ZAN: variants seen among roughly 807,000 people sequenced by gnomAD.
The protein encoded by ZAN is zonadhesin, also known as zonadhesin (gene/pseudogene).
A neutral mutation model predicts 286.2 loss-of-function variants in ZAN; 260 were observed. The observed-to-expected ratio is 0.91, with a 90% CI of 0.82 to 1.01. The LOEUF is 1.01. Ranked by LOEUF, ZAN falls within the 50% of genes least tolerant of loss-of-function variation. The pLI is 0.00. For missense variants in ZAN, 3,410 were observed against 3,639.2 expected, an observed-to-expected ratio of 0.94 and a Z score of 1.62; for synonymous variants, 1,368 against 1,417.5, an observed-to-expected ratio of 0.97 and a Z score of 0.79.
chr7:100,791,963 C>T lies in ZAN; in HGVS notation c.7530-3C>T. 6.2e-7 allele frequency: 1 copy of T among 1,609,782 alleles called. No individual in the cohort carries two copies. Among genetic ancestry groups the T allele is most frequent in the East Asian group, 2.2e-5 (1 of 44,820 alleles). On this transcript the variant is annotated splice_region_variant and splice_polypyrimidine_tract_variant and intron_variant, in intron 40 of 47. Coordinates refer to ENST00000613979, the MANE Select transcript of ZAN (RefSeq NM_003386.3). ...CCTGACCCCGTGGCTGTCTCTACTGCAGGGCTATACCAGCGGAGGAGGAGG... is the reference window on the plus strand; with the variant it reads ...CCTGACCCCGTGGCTGTCTCTACTGTAGGGCTATACCAGCGGAGGAGGAGG...
At chr7:100,749,538 G>A (rs1339813801) in intron 11 of ZAN, among the ~76,000 whole-genome samples, 1 of 151,290 alleles carries the variant, frequency 6.6e-6, no homozygotes, top group Non-Finnish European at 1.5e-5. Flanking sequence ...TACTCGGGAG[G>A]CTGAGGCAGG....
chr7:100,750,490 G>GA, intron 11 of ZAN, 135 bp from the exon 12 acceptor site: 2 of 1,140,258 alleles, frequency 1.8e-6, no homozygotes, highest in South Asian at 3.2e-5. Context: ...AAAATGAGCA[G>GA]AAAAAATAAT....
intron 35 of ZAN, among the ~76,000 whole-genome samples, chr7:100,781,315 C>T (rs1020641074): frequency 1.3e-5 from 2 of 152,158 alleles, no homozygotes; most frequent in African/African-American, 4.8e-5. Context: ...ATCTGCCTGC[C>T]TTGGCCTCCC....
intron 19 of ZAN, 119 bp downstream of exon 19, chr7:100,760,655 C>A: frequency 7.0e-7 from 1 of 1,422,188 alleles, no homozygotes; most frequent in Admixed American, 2.1e-5. Context: ...ACTACTTGAT[C>A]CTTTATGCAT....
Position 100,794,233 on chromosome 7 carries a change from G to A in ZAN, c.8100G>A (p.Gly2700=). ...GAGCGGGGGAGGTCTGCACCCTGGGGAACCACACCCAAGGCTGCTTTCCAG... is the reference window on the plus strand; with the variant it reads ...GAGCGGGGGAGGTCTGCACCCTGGGAAACCACACCCAAGGCTGCTTTCCAG... ...SCRAGEVCTL[G]NHTQGCFPES... is the part of the protein sequence containing the mutation. Residue 2700 remains glycine (G), a synonymous_variant, in exon 44 of 48, where the codon GGG becomes GGA. Transcript: ENST00000613979. 6.2e-7 allele frequency: 1 copy of A among 1,610,492 alleles called. No homozygotes were observed. The highest frequency in any genetic ancestry group is 1.3e-5 in the African/African-American group (1 of 74,996).
At chr7:100,775,881 G>C (rs1056215156) in intron 33 of ZAN, 48 bp downstream of exon 33, 1 of 1,598,252 alleles carries the variant, frequency 6.3e-7, no homozygotes, top group Admixed American at 1.7e-5. Flanking sequence ...GCCCCAGGGA[G>C]ATTGGTGGCC....
At chr7:100,788,395 A>G (rs1811717327) in intron 38 of ZAN, among the ~76,000 whole-genome samples, 1 of 152,098 alleles carries the variant, frequency 6.6e-6, no homozygotes, top group Non-Finnish European at 1.5e-5. Context: ...TCTGCAAAAA[A>G]TTTAAAATGA....
intron 39 of ZAN, among the ~76,000 whole-genome samples, chr7:100,790,692 G>A (rs1229253596): frequency 6.6e-6 from 1 of 151,904 alleles, no homozygotes; most frequent in Non-Finnish European, 1.5e-5. Flanking sequence ...AGACCAGTTT[G>A]GCCAACATGG....
rs569222798 is a variant in ZAN at position 100,763,659 on chromosome 7, C to T, written c.3987-147C>T. The stretch of plus-strand genomic sequence containing the variant: ...GGCCTCCCACAGTGCCTGGCCAGGG[C>T]TCAGTGGTCAAACATCCTCTGGGAG... On this transcript the variant is annotated intron_variant, in intron 20 of 47. Coordinates refer to ENST00000613979, the MANE Select transcript of ZAN (RefSeq NM_003386.3). This position sits in a 1 kb window ranked among gnomAD's most constrained non-coding sequence, Gnocchi z 4.6. 1.1e-4 allele frequency: 84 copies of T among 761,204 alleles called. No homozygotes were observed. The East Asian group carries it at 2.2e-3, about 20-fold the overall frequency. The allele number at this position is 761,204 out of a possible 1,614,324, so 47.2% of individuals were successfully genotyped here.
At chr7:100,776,979 G>T (rs1363448061) in intron 34 of ZAN, among the ~76,000 whole-genome samples, 1 of 148,642 alleles carries the variant, frequency 6.7e-6, no homozygotes, top group African/African-American at 2.5e-5. Context: ...TGATCCACCC[G>T]CCTCGGCCTC....
At position 100,748,418 on chromosome 7, in the gene ZAN, T is replaced by C; in HGVS notation, c.1197T>C (p.His399=). The C allele has an allele frequency of 6.2e-7, 1 of 1,613,878 alleles. No homozygotes were observed. Among genetic ancestry groups the C allele is most frequent in the Non-Finnish European group, 8.5e-7 (1 of 1,179,854 alleles). ...ATGGTGGACACTGGGCCCTCGGACA[T>C]AAAAATGGACCCGTCCATGGCATGG... ...SGDGGHWALG[H]KNGPVHGMGP... Residue 399 remains histidine, a synonymous_variant, in exon 11 of 48, where the codon CAT becomes CAC. Transcript: ENST00000613979.
intron 9 of ZAN, 37 bp downstream of exon 9, chr7:100,747,678 T>C (rs758597150): frequency 1.9e-6 from 3 of 1,567,588 alleles, no homozygotes; most frequent in Non-Finnish European, 2.6e-6. Context: ...TTGCACATGG[T>C]AGGCACACCC....
Position 100,775,872 on chromosome 7 carries a change from C to A in ZAN, c.6192+39C>A, listed in dbSNP as rs774117965. The A allele has an allele frequency of 2.5e-6, 4 of 1,602,578 alleles. No homozygotes were observed. In the Admixed American group the frequency reaches 6.8e-5, roughly 27 times the overall value. On this transcript the variant is annotated intron_variant, in intron 33 of 47. Coordinates refer to ENST00000613979, the MANE Select transcript of ZAN (RefSeq NM_003386.3). ...CTGGCTCTTCTCGCTGGGGAGGCAG[C>A]CCCAGGGAGATTGGTGGCCGGCAGG...
rs747984578 is a variant in ZAN at position 100,797,480 on chromosome 7, GGA to G, written c.8366+21_8366+22del. 1 of 1,613,920 alleles carries G rather than the reference GGA, an allele frequency of 6.2e-7. No individual in the cohort carries two copies. Among genetic ancestry groups the G allele is most frequent in the African/African-American group, 1.3e-5 (1 of 75,050 alleles). On this transcript the variant is annotated intron_variant, in intron 46 of 47. Coordinates refer to ENST00000613979, the MANE Select transcript of ZAN (RefSeq NM_003386.3). ...AGGAGGAAGAGGTGAGTCCTGGGAA[GGA>G]GAGAGGAAGGGCGGGTGGGGTGTGC...
At chr7:100,758,796 T>G (rs1410019012) in intron 17 of ZAN, 146 bp downstream of exon 17, 2 of 1,351,724 alleles carry the variant, frequency 1.5e-6, no homozygotes, top group Admixed American at 2.3e-5. Flanking sequence ...AAGGTGAGGG[T>G]TGAAGGCCAG....
chr7:100,758,227 A>G lies in ZAN; in HGVS notation c.3335A>G (p.Asn1112Ser), dbSNP rs762059424. ...CCTGGGGCAGAGTGGTTCAGCCCCAACTGCACAGAACATTGCCGCTGCTGG... is the reference window on the plus strand; with the variant it reads ...CCTGGGGCAGAGTGGTTCAGCCCCAGCTGCACAGAACATTGCCGCTGCTGG... ...YEPGAEWFSP[N>S]CTEHCRCWPG... is the part of the protein sequence containing the mutation. Residue 1112 changes from asparagine (N) to serine (S), a missense_variant, in exon 16 of 48, where the codon AAC becomes AGC. Physicochemically the swap from Asn to Ser is conservative, Grantham distance 46. This residue lies in a region of ZAN where 1,042 missense variants were observed against 1,058.0 expected (regional missense o/e 0.98). Transcript: ENST00000613979. 18 of 1,613,248 alleles carry G rather than the reference A, an allele frequency of 1.1e-5. No homozygotes were observed. The highest frequency in any genetic ancestry group is 5.5e-5 in the South Asian group (5 of 91,046).
At position 100,764,196 on chromosome 7, in the gene ZAN, C is replaced by A; in HGVS notation, c.4267C>A (p.Pro1423Thr). 6.5e-7 allele frequency: 1 copy of A among 1,546,746 alleles called. No individual in the cohort carries two copies. Among genetic ancestry groups the A allele is most frequent in the Non-Finnish European group, 8.7e-7 (1 of 1,146,784 alleles). Reference protein sequence around the residue: ...VKPWREPHFCPMACPPNSKYS... With the variant: ...VKPWREPHFCTMACPPNSKYS... ...GCCCTGGAGGGAACCCCACTTCTGC[C>A]GTGAGTTGTGCCAAACTCAGAGGAG... The change falls in exon 22 of 48, where the codon CCA becomes ACA. Residue 1423 changes from proline (P) to threonine (T), a missense_variant and splice_region_variant. Coordinates refer to ENST00000613979, the MANE Select transcript of ZAN (RefSeq NM_003386.3).
rs1811541080 is a variant in ZAN, at chr7:100,786,023, TTGCACGGAGAAGTGTGTC to T, written c.6869_6886del (p.Glu2290_Thr2295del). ...TGGGCAAGAGCTGGGTCTCCAGCGGTTGCACGGAGAAGTGTGTCTGCACGGGAGGAGCCATTCAGTGCG... is the reference window on the plus strand; with the variant it reads ...TGGGCAAGAGCTGGGTCTCCAGCGGTTGCACGGGAGGAGCCATTCAGTGCG... On this transcript the variant is annotated inframe_deletion, in exon 37 of 48. Transcript: ENST00000613979. The T allele has an allele frequency of 6.2e-7, 1 of 1,613,790 alleles. No individual in the cohort carries two copies. Among genetic ancestry groups the T allele is most frequent in the African/African-American group, 1.3e-5 (1 of 74,934 alleles).
intron 7 of ZAN, among the ~76,000 whole-genome samples, chr7:100,738,882 TCCC>T (rs1562911376): frequency 0.015 from 57 of 3,822 alleles, 7 homozygotes; most frequent in Non-Finnish European, 0.023. Flanking sequence ...CTTCTCCCTC[TCCC>T]TCTCCCTCTC....
Sources: gnomAD v4.1 joint callset for allele counts (sites outside exome capture counted in the v4.1 genomes callset) on GRCh38, gnomAD v4.1.1 for gene constraint, gnomAD v4.1.1 regional missense constraint, Gnocchi (gnomAD v3.1) non-coding constraint, MANE v1.5 for transcripts, NCBI Gene and HGNC (gene_info 2026-07-23, HGNC 2026-07-21) for gene names.